The following GK5 variants were observed in gnomAD, a reference collection of about 807,000 sequenced individuals.
GK5 encodes glycerol kinase 5, also known as ATP:glycerol 3-phosphotransferase 5.
In GK5, 39 loss-of-function variants were observed where a neutral mutation model predicts 77.3. The ratio of observed to expected loss-of-function variants is 0.50; its 90% CI spans 0.39 to 0.66. GK5 has a LOEUF of 0.66. GK5 is among the 30% of genes least tolerant of loss of function. The pLI, the probability that GK5 is intolerant of heterozygous loss-of-function variation, is 0.00. For missense variants in GK5, 487 were observed against 633.8 expected, an observed-to-expected ratio of 0.77 and a Z score of 2.49; for synonymous variants, 211 against 208.0, an observed-to-expected ratio of 1.01 and a Z score of -0.13.
chr3:142,186,066 G>T, intron 8 of GK5, 77 bp from the exon 9 acceptor site: 1 of 1,285,084 alleles, frequency 7.8e-7, no homozygotes, highest in Non-Finnish European at 1.1e-6. Context: ...TTGTTTTTTT[G>T]CATAAGCCAA....
chr3:142,217,289 G>A (rs922824406), intron 1 of GK5, among the ~76,000 whole-genome samples: 29 of 151,990 alleles, frequency 1.9e-4, no homozygotes, highest in Non-Finnish European at 1.8e-4. Context: ...ATGAAGAATG[G>A]CTTAAATATA....
At chr3:142,179,502 C>T (rs1045593700) in intron 11 of GK5, among the ~76,000 whole-genome samples, 23 of 152,124 alleles carry the variant, frequency 1.5e-4, no homozygotes, top group African/African-American at 4.8e-4. Flanking sequence ...GGCAACATAG[C>T]GAGACTCCTA....
chr3:142,183,515 G>A (rs1306014297), intron 9 of GK5: 1 of 153,100 alleles, frequency 6.5e-6, no homozygotes, highest in East Asian at 1.9e-4. Flanking sequence ...TCTGTCGCCA[G>A]GCTGGAGTGC....
rs118122385 is a variant in GK5 at position 142,191,189 on chromosome 3, C to T, written c.544-3410G>A. On this transcript the variant is annotated intron_variant, in intron 5 of 15. Coordinates refer to ENST00000392993, the MANE Select transcript of GK5 (RefSeq NM_001039547.3). ...TCCCAAGTAGCTGGGACTACAGGTG[C>T]GTGGTAATTTTTGTATTTTTAGTAG... 2.2e-4 allele frequency among the ~76,000 whole-genome samples: 34 copies of T among 151,934 alleles called. No homozygotes were observed. The East Asian group carries it at 3.5e-3, about 16-fold the overall frequency.
intron 1 of GK5, among the ~76,000 whole-genome samples, chr3:142,216,363 C>CT (rs1282869413): frequency 6.6e-6 from 1 of 152,028 alleles, no homozygotes; most frequent in Non-Finnish European, 1.5e-5. Context: ...TCCCATTTTT[C>CT]TTTTTTCCCT....
intron 3 of GK5, among the ~76,000 whole-genome samples, chr3:142,206,896 A>G (rs2064115876): frequency 6.6e-6 from 1 of 152,230 alleles, no homozygotes; most frequent in South Asian, 2.1e-4. Flanking sequence ...CGTGATCAGC[A>G]CCAACCTATG....
intron 1 of GK5, 78 bp downstream of exon 1, chr3:142,225,231 C>A: frequency 7.1e-7 from 1 of 1,406,492 alleles, no homozygotes; most frequent in Non-Finnish European, 9.3e-7. Flanking sequence ...GGGGCCTGCC[C>A]GCTCGCCTCC....
chr3:142,169,557 C>T (rs1276336995), intron 15 of GK5, among the ~76,000 whole-genome samples: 2 of 151,982 alleles, frequency 1.3e-5, no homozygotes, highest in South Asian at 2.1e-4. Flanking sequence ...CTCACTTTTC[C>T]TTATTGTATT....
chr3:142,216,137 G>C (rs1172949709), intron 1 of GK5, among the ~76,000 whole-genome samples: 1 of 152,152 alleles, frequency 6.6e-6, no homozygotes, highest in Non-Finnish European at 1.5e-5. Flanking sequence ...GTATATGGCA[G>C]CAGGTGGACT....
chr3:142,214,831 T>C (rs1447315601), intron 2 of GK5, among the ~76,000 whole-genome samples: 1 of 152,222 alleles, frequency 6.6e-6, no homozygotes, highest in Non-Finnish European at 1.5e-5. Flanking sequence ...TGCATTGTGG[T>C]TATAGGAGAA....
At chr3:142,181,346 T>C (rs1290274548) in intron 11 of GK5, 115 bp downstream of exon 11, 1 of 553,836 alleles carries the variant, frequency 1.8e-6, no homozygotes, top group Non-Finnish European at 3.2e-6. Context: ...ATAGATGTCA[T>C]TTTATTTTAG....
At chr3:142,213,476 C>T (rs781717815) in intron 3 of GK5, 50 bp downstream of exon 3, 2 of 1,025,424 alleles carry the variant, frequency 2.0e-6, no homozygotes, top group African/African-American at 3.2e-5. Context: ...ACCGTGTACT[C>T]ACTGTGGCAT....
At chr3:142,195,109 A>G (rs2063914480) in intron 5 of GK5, among the ~76,000 whole-genome samples, 1 of 151,924 alleles carries the variant, frequency 6.6e-6, no homozygotes, top group East Asian at 1.9e-4. Context: ...TTTTTTCTAT[A>G]TCTACTGACA....
chr3:142,212,614 C>T (rs1186411699), intron 3 of GK5, among the ~76,000 whole-genome samples: 1 of 152,034 alleles, frequency 6.6e-6, no homozygotes, highest in East Asian at 1.9e-4. Flanking sequence ...GCTTCTGAGT[C>T]AAAAAGACAA....
chr3:142,173,158 G>A (rs928456792), intron 12 of GK5: 48 of 430,454 alleles, frequency 1.1e-4, no homozygotes, highest in African/African-American at 3.4e-4. Flanking sequence ...CCGTGATCGC[G>A]TTACTGCACT....
chr3:142,162,217 G>A lies in GK5; in HGVS notation c.*3405C>T, dbSNP rs1030039291. ...AAGGTAAAATGAGGCAGAAAGAAAAGGAGTATGACACTATATTCACTGAGT... is the reference window on the plus strand; with the variant it reads ...AAGGTAAAATGAGGCAGAAAGAAAAAGAGTATGACACTATATTCACTGAGT... On this transcript the variant is annotated 3_prime_UTR_variant, in exon 16 of 16. Coordinates refer to ENST00000392993, the MANE Select transcript of GK5 (RefSeq NM_001039547.3). 1.3e-5 allele frequency: 2 copies of A among 152,200 alleles called. No individual in the cohort carries two copies. Among genetic ancestry groups the A allele is most frequent in the Non-Finnish European group, 2.9e-5 (2 of 68,036 alleles). 9.4% of individuals were successfully genotyped at this position (152,200 alleles called of 1,614,324 possible).
At chr3:142,186,593 T>C in intron 6 of GK5, 80 bp from the exon 7 acceptor site, 1 of 564,832 alleles carries the variant, frequency 1.8e-6, no homozygotes, top group Non-Finnish European at 3.0e-6. Flanking sequence ...ATATAGACCT[T>C]TGTCTACCCT....
chr3:142,160,461 T>C lies in GK5; in HGVS notation c.*5161A>G, dbSNP rs1336736339. 1 of 152,184 alleles carries C rather than the reference T, an allele frequency of 6.6e-6. No homozygotes were observed. The highest frequency in any genetic ancestry group is 1.5e-5 in the Non-Finnish European group (1 of 68,038). 9.4% of individuals were successfully genotyped at this position (152,184 alleles called of 1,614,324 possible). ...CTCTCCTCAAATAATTACAAAATTC[T>C]TGCAAGATTCCTGGGCTGGACTGTT... On this transcript the variant is annotated 3_prime_UTR_variant, in exon 16 of 16. Transcript: ENST00000392993.
rs1436544983 is a variant in GK5 at position 142,165,624 on chromosome 3, A to G, written c.1588T>C (p.Ter530GlnextTer2). The G allele has an allele frequency of 1.2e-6, 2 of 1,607,144 alleles. No individual in the cohort carries two copies. Among genetic ancestry groups the G allele is most frequent in the Admixed American group, 3.4e-5 (2 of 58,266 alleles). ...GGTTTTGATCATTTCATTTAGTGTT[A>G]TGTCTTGTTATACCAATTCATGGAG... ...KRSMNWYNKT[*>Q] Residue 530 changes from the stop codon to glutamine, a stop_lost, in exon 16 of 16, where the codon TAA becomes CAA. Coordinates refer to ENST00000392993, the MANE Select transcript of GK5 (RefSeq NM_001039547.3).
Sources: gnomAD v4.1 joint callset for allele counts (sites outside exome capture counted in the v4.1 genomes callset) on GRCh38, gnomAD v4.1.1 for gene constraint, MANE v1.5 for transcripts, NCBI Gene and HGNC (gene_info 2026-07-23, HGNC 2026-07-21) for gene names.